The following BEND2 variants were observed in gnomAD, a reference collection of about 807,000 sequenced individuals.
BEND2 encodes the protein BEN domain-containing protein 2.
Under a neutral mutation model 43.8 loss-of-function variants are expected in BEND2, and 19 were observed. That is an observed-to-expected ratio of 0.43 (90% CI 0.30 to 0.64). The LOEUF (loss-of-function observed/expected upper bound fraction) is 0.64, where lower values mean the gene tolerates loss of function less well. Among genes scored for constraint, BEND2 ranks in the 30% least tolerant of loss-of-function variants. BEND2 has a pLI of 0.11. For missense variants in BEND2, 544 were observed against 574.0 expected (o/e 0.95, Z 0.53); for synonymous variants, 226 against 210.1 (o/e 1.08, Z -0.66).
At chrX:18,171,536 G>T (rs1394788264) in intron 12 of BEND2, among the ~76,000 whole-genome samples, 1 of 110,933 alleles carries the variant, frequency 9.0e-6, no homozygotes, top group African/African-American at 3.3e-5. Flanking sequence ...TAGAGACAGG[G>T]TCTCACTTTG....
chrX:18,183,478 A>G (rs1247941784), intron 8 of BEND2, among the ~76,000 whole-genome samples: 3 of 112,493 alleles, frequency 2.7e-5, no homozygotes, highest in Non-Finnish European at 5.6e-5. Flanking sequence ...TCTCAAGAAC[A>G]CCAAATTTAA....
At chrX:18,199,768 T>G (rs764458833) in intron 6 of BEND2, among the ~76,000 whole-genome samples, 66 of 111,164 alleles carry the variant, frequency 5.9e-4, no homozygotes, top group Admixed American at 1.4e-3. Context: ...AAAGACATTT[T>G]CACATGCAGG....
In BEND2 at chrX:18,174,294, C is replaced by T. The variant is rs747041273; in HGVS notation, c.1753-36G>A. On this transcript the variant is annotated intron_variant, in intron 11 of 13. Transcript: ENST00000380033. Reference sequence around the variant, plus strand: ...ACAAAATCATATCCGTAAACAAAGTCCCACAGCAAGAAAATATGTCTGTGC... The same window carrying T: ...ACAAAATCATATCCGTAAACAAAGTTCCACAGCAAGAAAATATGTCTGTGC... 7.0e-6 allele frequency: 8 copies of T among 1,147,984 alleles called. No individual in the cohort carries two copies. The Admixed American group carries it at 1.8e-4, about 25-fold the overall frequency. The allele number at this position is 1,147,984 out of a possible 1,213,427, so 94.6% of individuals were successfully genotyped here. A position where few individuals can be genotyped will look rare whatever the true frequency, so the allele number is the denominator to read the frequency against.
intron 4 of BEND2, among the ~76,000 whole-genome samples, chrX:18,205,603 C>A (rs1432741780): frequency 2.8e-5 from 1 of 35,623 alleles, no homozygotes; most frequent in Non-Finnish European, 4.3e-5. Context: ...GAGACCCTGT[C>A]TCAAAAAAAA....
At chrX:18,186,919 A>G (rs1469315830) in intron 8 of BEND2, among the ~76,000 whole-genome samples, 1 of 107,597 alleles carries the variant, frequency 9.3e-6, no homozygotes, top group Non-Finnish European at 1.9e-5. Flanking sequence ...GTGAGCCAAG[A>G]TCGTACCACT....
intron 2 of BEND2, among the ~76,000 whole-genome samples, chrX:18,214,658 T>C (rs1925616269): frequency 9.3e-6 from 1 of 107,224 alleles, no homozygotes; most frequent in African/African-American, 3.4e-5. Flanking sequence ...CTCCTCTCTC[T>C]ATTAAAAATA....
At chrX:18,182,545 A>G (rs1323678165) in intron 8 of BEND2, among the ~76,000 whole-genome samples, 5 of 111,997 alleles carry the variant, frequency 4.5e-5, no homozygotes, top group African/African-American at 1.6e-4. Flanking sequence ...GAGCAAAGAA[A>G]GTTACCAGAG....
Position 18,201,433 on chromosome X carries a change from T to G in BEND2, c.1033+382A>C, listed in dbSNP as rs868800645. Among the ~76,000 whole-genome samples the G allele has an allele frequency of 1.3e-3, 105 of 80,582 alleles. 3 individuals carry two copies. The highest frequency in any genetic ancestry group is 0.014 in the Middle Eastern group (2 of 143). The allele number at this position is 80,582 out of a possible 115,157, so 70.0% of individuals were successfully genotyped here. On this transcript the variant is annotated intron_variant, in intron 6 of 13. Coordinates refer to ENST00000380033, the MANE Select transcript of BEND2 (RefSeq NM_153346.5). ...AAAAAAAAAACAAAAAAAAAAAAAC[T>G]GGTGGATCAAGGTTAAATAATGCTA...
intron 9 of BEND2, among the ~76,000 whole-genome samples, chrX:18,178,255 T>C (rs1209671756): frequency 8.9e-6 from 1 of 111,921 alleles, no homozygotes; most frequent in Non-Finnish European, 1.9e-5. Context: ...GTAGTTCCTG[T>C]ATATCAGGCA....
At chrX:18,186,161 G>C (rs997360246) in intron 8 of BEND2, among the ~76,000 whole-genome samples, 2 of 111,545 alleles carry the variant, frequency 1.8e-5, no homozygotes, top group African/African-American at 3.3e-5. Flanking sequence ...AACTTTTCAA[G>C]ACATAGACAG....
chrX:18,165,542 G>A (rs1054730559), intron 13 of BEND2, among the ~76,000 whole-genome samples: 36 of 111,775 alleles, frequency 3.2e-4, no homozygotes, highest in African/African-American at 8.4e-4. Flanking sequence ...TCAAAGAAGC[G>A]TCTAGCACGT....
At chrX:18,173,294 T>C in intron 12 of BEND2, among the ~76,000 whole-genome samples, 1 of 111,977 alleles carries the variant, frequency 8.9e-6, no homozygotes, top group Admixed American at 9.5e-5. Flanking sequence ...ACTTGTGTTG[T>C]TTAATTTATC....
At chrX:18,219,301 C>T (rs1046368858) in intron 1 of BEND2, among the ~76,000 whole-genome samples, 4 of 112,566 alleles carry the variant, frequency 3.6e-5, no homozygotes, top group Non-Finnish European at 5.6e-5. Flanking sequence ...GGGAGGGACG[C>T]GATCCGCCAC....
chrX:18,196,068 G>A (rs1924939016), intron 6 of BEND2, among the ~76,000 whole-genome samples: 1 of 111,501 alleles, frequency 9.0e-6, no homozygotes, highest in African/African-American at 3.3e-5. Context: ...GGAGGCCGAG[G>A]TGGGCGGATC....
intron 8 of BEND2, among the ~76,000 whole-genome samples, chrX:18,186,476 A>T (rs1294115712): frequency 9.2e-6 from 1 of 108,744 alleles, no homozygotes; most frequent in Non-Finnish European, 1.9e-5. Flanking sequence ...AAAAAAAAAA[A>T]AGACATAGTA....
intron 8 of BEND2, among the ~76,000 whole-genome samples, chrX:18,187,640 G>A (rs1340259891): frequency 8.9e-6 from 1 of 111,807 alleles, no homozygotes; most frequent in African/African-American, 3.2e-5. Flanking sequence ...TAGACCAAAT[G>A]GGTCTAATAG....
At chrX:18,210,251 G>A (rs955999346) in intron 4 of BEND2, among the ~76,000 whole-genome samples, 4 of 111,434 alleles carry the variant, frequency 3.6e-5, no homozygotes, top group East Asian at 5.6e-4. Context: ...TTGGCAATGA[G>A]CATTTAATAT....
At chrX:18,203,342 G>T (rs1925226133) in intron 5 of BEND2, among the ~76,000 whole-genome samples, 159 bp downstream of exon 5, 1 of 111,883 alleles carries the variant, frequency 8.9e-6, no homozygotes, top group Admixed American at 9.5e-5. Flanking sequence ...TGGGGAAAGG[G>T]TATCTCTCTG....
intron 11 of BEND2, 95 bp downstream of exon 11, chrX:18,175,877 G>A (rs1024436956): frequency 1.2e-6 from 1 of 841,447 alleles, no homozygotes; most frequent in Admixed American, 3.9e-5. Context: ...TTAGCACATG[G>A]CCTAAAGAGA....
Sources: allele counts gnomAD v4.1 joint callset (sites outside exome capture counted in the v4.1 genomes callset), GRCh38; gene constraint gnomAD v4.1.1; transcripts MANE v1.5; gene names NCBI Gene and HGNC (gene_info 2026-07-23, HGNC 2026-07-21).